Variants in SCD5 observed in about 807,000 individuals in gnomAD.
SCD5 encodes the protein stearoyl-CoA desaturase 5.
Under a neutral mutation model 30.4 loss-of-function variants are expected in SCD5, and 20 were observed. That is an observed-to-expected ratio of 0.66 (90% CI 0.46 to 0.96). The LOEUF is 0.96. Among genes scored for constraint, SCD5 ranks in the 40% least tolerant of loss-of-function variants. The pLI, the probability that SCD5 is intolerant of heterozygous loss-of-function variation, is 0.00. For missense variants in SCD5, 381 were observed against 443.3 expected (o/e 0.86, Z 1.26); for synonymous variants, 173 against 176.4 (o/e 0.98, Z 0.16).
intron 1 of SCD5, among the ~76,000 whole-genome samples, chr4:82,752,635 C>T (rs1365960870): frequency 6.6e-6 from 1 of 152,112 alleles, no homozygotes; most frequent in Non-Finnish European, 1.5e-5. Context: ...ATATCTGTCC[C>T]TTTTCCTGTC....
intron 3 of SCD5, among the ~76,000 whole-genome samples, chr4:82,637,262 T>C (rs1441312965): frequency 6.6e-6 from 1 of 152,208 alleles, no homozygotes; most frequent in African/African-American, 2.4e-5. Context: ...TAATTTTAGG[T>C]ACACAATTCT....
chr4:82,723,064 C>T (rs1354247857), intron 1 of SCD5, among the ~76,000 whole-genome samples: 5 of 125,862 alleles, frequency 4.0e-5, no homozygotes, highest in East Asian at 2.2e-4. Context: ...GTGACAAGAG[C>T]GAAACTCTGT....
intron 2 of SCD5, among the ~76,000 whole-genome samples, chr4:82,681,350 T>C (rs1434442620): frequency 6.6e-6 from 1 of 152,184 alleles, no homozygotes; most frequent in African/African-American, 2.4e-5. Flanking sequence ...GATGATTCCA[T>C]GTTGCTATTG....
At chr4:82,710,317 A>T (rs1720054668) in intron 1 of SCD5, among the ~76,000 whole-genome samples, 1 of 152,024 alleles carries the variant, frequency 6.6e-6, no homozygotes, top group Non-Finnish European at 1.5e-5. Context: ...GCTCTCTGCA[A>T]CCCACCACCA....
chr4:82,709,339 T>G (rs1001822229), intron 1 of SCD5, among the ~76,000 whole-genome samples: 2 of 152,190 alleles, frequency 1.3e-5, no homozygotes, highest in East Asian at 3.8e-4. Context: ...TGAGACAGTT[T>G]CATTGAGCTG....
chr4:82,663,527 A>G (rs1472516011), intron 3 of SCD5, among the ~76,000 whole-genome samples: 1 of 152,148 alleles, frequency 6.6e-6, no homozygotes, highest in East Asian at 1.9e-4. Context: ...CTCTCTTACA[A>G]AGCAAAATCT....
At chr4:82,786,133 G>A (rs980754082) in intron 1 of SCD5, among the ~76,000 whole-genome samples, 3 of 152,188 alleles carry the variant, frequency 2.0e-5, no homozygotes, top group African/African-American at 4.8e-5. Context: ...AGGGTACTGG[G>A]GGAAATTACA....
At chr4:82,688,297 T>TGTGCGTGTGC (rs747664801) in intron 2 of SCD5, among the ~76,000 whole-genome samples, 10 of 152,266 alleles carry the variant, frequency 6.6e-5, no homozygotes, top group South Asian at 2.1e-4. Context: ...TACATGTGCA[T>TGTGCGTGTGC]GTGCGTGTGC....
chr4:82,778,435 T>C (rs997373095), intron 1 of SCD5, among the ~76,000 whole-genome samples: 1 of 152,240 alleles, frequency 6.6e-6, no homozygotes, highest in Non-Finnish European at 1.5e-5. Flanking sequence ...TTCTACAGAT[T>C]AGAAGCCTGA....
intron 4 of SCD5, among the ~76,000 whole-genome samples, chr4:82,635,502 T>C (rs894957981): frequency 6.6e-6 from 1 of 151,314 alleles, no homozygotes; most frequent in East Asian, 2.0e-4. Flanking sequence ...GTGCCTGTAG[T>C]CCCAGCTACT....
chr4:82,768,126 A>G (rs1303762024), intron 1 of SCD5, among the ~76,000 whole-genome samples: 1 of 152,246 alleles, frequency 6.6e-6, no homozygotes, highest in Non-Finnish European at 1.5e-5. Context: ...TCAGATACTC[A>G]TTCTAAGTAC....
At chr4:82,737,029 T>C (rs1023056992) in intron 1 of SCD5, among the ~76,000 whole-genome samples, 1 of 152,186 alleles carries the variant, frequency 6.6e-6, no homozygotes, top group Non-Finnish European at 1.5e-5. Context: ...TCTTTCTTTG[T>C]TTCTCCAGGA....
chr4:82,692,095 G>A (rs1405230553), intron 2 of SCD5: 2 of 152,668 alleles, frequency 1.3e-5, no homozygotes, highest in Non-Finnish European at 2.9e-5. Context: ...GCAGTTTCCT[G>A]GGCTATGTGG....
chr4:82,748,740 A>G (rs1213851142), intron 1 of SCD5, among the ~76,000 whole-genome samples: 1 of 152,226 alleles, frequency 6.6e-6, no homozygotes, highest in African/African-American at 2.4e-5. Flanking sequence ...ATGGGGAGAA[A>G]CAAAGAATGC....
At chr4:82,741,476 C>G (rs1318561349) in intron 1 of SCD5, among the ~76,000 whole-genome samples, 5 of 152,174 alleles carry the variant, frequency 3.3e-5, no homozygotes, top group African/African-American at 1.2e-4. Flanking sequence ...TGCCAACCAC[C>G]AGCTGTGTGA....
chr4:82,774,803 G>T (rs1490330368), intron 1 of SCD5, among the ~76,000 whole-genome samples: 2 of 152,134 alleles, frequency 1.3e-5, no homozygotes, highest in Non-Finnish European at 2.9e-5. Flanking sequence ...GTCTTCCCAG[G>T]ATTCCAATTA....
chr4:82,747,069 G>GCGCCC (rs764855858), intron 1 of SCD5, among the ~76,000 whole-genome samples: 1 of 139,698 alleles, frequency 7.2e-6, no homozygotes, highest in Admixed American at 7.2e-5. Flanking sequence ...TGGGCAACCT[G>GCGCCC]CCCCCCAAGA....
chr4:82,722,669 G>T (rs1720393426), intron 1 of SCD5, among the ~76,000 whole-genome samples: 1 of 151,958 alleles, frequency 6.6e-6, no homozygotes, highest in Non-Finnish European at 1.5e-5. Context: ...AGGAGCTGAG[G>T]CAAGAGAATC....
intron 1 of SCD5, among the ~76,000 whole-genome samples, chr4:82,794,461 G>A (rs1272936678): frequency 2.0e-5 from 3 of 152,100 alleles, no homozygotes; most frequent in East Asian, 1.9e-4. Context: ...GGGAGGCTCC[G>A]CTGGGAAGCA....
Sources: gnomAD v4.1 joint callset for allele counts (sites outside exome capture counted in the v4.1 genomes callset) on GRCh38, gnomAD v4.1.1 for gene constraint, MANE v1.5 for transcripts, NCBI Gene and HGNC (gene_info 2026-07-23, HGNC 2026-07-21) for gene names.